Variants in LIMCH1 observed in about 807,000 individuals in gnomAD.
LIMCH1 encodes the protein LIM and calponin homology domains-containing protein 1.
Under a neutral mutation model 176.5 loss-of-function variants are expected in LIMCH1, and 113 were observed. The observed-to-expected ratio is 0.64, with a 90% CI of 0.55 to 0.75. The LOEUF is 0.75. Ranked by LOEUF, LIMCH1 falls within the 30% of genes least tolerant of loss-of-function variation. The pLI, the probability that LIMCH1 is intolerant of heterozygous loss-of-function variation, is 0.00. For missense variants in LIMCH1, 1,674 were observed against 1,814.9 expected, an observed-to-expected ratio of 0.92 and a Z score of 1.41; for synonymous variants, 619 against 645.9, an observed-to-expected ratio of 0.96 and a Z score of 0.63.
chr4:41,407,479 C>G (rs576360585), intron 1 of LIMCH1, among the ~76,000 whole-genome samples: 2 of 152,314 alleles, frequency 1.3e-5, no homozygotes, highest in African/African-American at 4.8e-5. Context: ...ATCCTCCCGC[C>G]TTGGCCTCCC....
intron 1 of LIMCH1, among the ~76,000 whole-genome samples, chr4:41,427,328 A>G (rs913668243): frequency 2.0e-5 from 3 of 152,168 alleles, no homozygotes; most frequent in African/African-American, 7.2e-5. Flanking sequence ...TAAGTACCCC[A>G]TAAAATTTAT....
chr4:41,478,113 T>A (rs2068025147), intron 1 of LIMCH1, among the ~76,000 whole-genome samples: 1 of 152,210 alleles, frequency 6.6e-6, no homozygotes, highest in African/African-American at 2.4e-5. Context: ...TAAGCTACAT[T>A]TTTCCAGTTC....
chr4:41,363,908 C>T (rs1018558171), intron 1 of LIMCH1, among the ~76,000 whole-genome samples: 10 of 152,190 alleles, frequency 6.6e-5, no homozygotes, highest in African/African-American at 2.4e-4. Context: ...TGGCTACCAG[C>T]AGGCAGGGGA....
At chr4:41,419,778 C>T (rs1238773005) in intron 1 of LIMCH1, among the ~76,000 whole-genome samples, 1 of 150,090 alleles carries the variant, frequency 6.7e-6, no homozygotes, top group Non-Finnish European at 1.5e-5. Context: ...TCCCTCCTCT[C>T]CTTCCTTTCT....
At chr4:41,360,644 G>C, upstream of LIMCH1, 2 of 299,986 alleles carry the variant, frequency 6.7e-6, no homozygotes, top group Non-Finnish European at 1.2e-5. The surrounding 1 kb of genome is among the most constrained non-coding windows in gnomAD (Gnocchi z 4.5). Context: ...GCGCGTTGGA[G>C]CCCGGGCGGC....
intron 2 of LIMCH1, among the ~76,000 whole-genome samples, chr4:41,514,351 G>A (rs2075335816): frequency 1.3e-5 from 2 of 152,140 alleles, no homozygotes; most frequent in African/African-American, 2.4e-5. Flanking sequence ...TAAATGGTTC[G>A]GTGAGGAGGT....
intron 1 of LIMCH1, among the ~76,000 whole-genome samples, chr4:41,445,020 C>CTTTTTT (rs11414585): frequency 7.8e-6 from 1 of 128,534 alleles, no homozygotes; most frequent in Non-Finnish European, 1.7e-5. Context: ...TTTTCCCATT[C>CTTTTTT]TTTTTTTTTT....
intron 1 of LIMCH1, among the ~76,000 whole-genome samples, chr4:41,430,679 A>G (rs1473102896): frequency 6.6e-6 from 1 of 152,240 alleles, no homozygotes; most frequent in Non-Finnish European, 1.5e-5. Flanking sequence ...CAGAACTTAA[A>G]TATGATGAAG....
intron 1 of LIMCH1, among the ~76,000 whole-genome samples, chr4:41,576,902 A>G (rs886323575): frequency 4.6e-5 from 7 of 152,196 alleles, no homozygotes; most frequent in Non-Finnish European, 1.0e-4. Flanking sequence ...CATAAGCAGA[A>G]TTGACTGTTG....
intron 1 of LIMCH1, among the ~76,000 whole-genome samples, chr4:41,390,006 C>A (rs1230331152): frequency 6.6e-6 from 1 of 152,118 alleles, no homozygotes; most frequent in African/African-American, 2.4e-5. Flanking sequence ...CTGCATTCAC[C>A]TTAAGGAATT....
intron 23 of LIMCH1, among the ~76,000 whole-genome samples, chr4:41,678,515 G>A (rs770260591): frequency 6.6e-6 from 1 of 152,156 alleles, no homozygotes; most frequent in Non-Finnish European, 1.5e-5. Context: ...CAGCTAAATG[G>A]TGAACAGCCA....
intron 6 of LIMCH1, 45 bp from the exon 7 acceptor site, chr4:41,620,379 A>C (rs1460081849): frequency 6.6e-7 from 1 of 1,515,546 alleles, no homozygotes; most frequent in Non-Finnish European, 8.8e-7. Context: ...TCTGCTCCCC[A>C]GCCCAGTCTG....
chr4:41,498,916 TTA>T (rs2072714441), intron 2 of LIMCH1, among the ~76,000 whole-genome samples: 1 of 152,166 alleles, frequency 6.6e-6, no homozygotes, highest in Non-Finnish European at 1.5e-5. Context: ...AGAATGTGTT[TTA>T]TGTTTTTAAA....
chr4:41,677,408 C>CA (rs893672792), intron 23 of LIMCH1, among the ~76,000 whole-genome samples: 22 of 150,986 alleles, frequency 1.5e-4, no homozygotes, highest in African/African-American at 4.9e-4. Flanking sequence ...AACTCCATCT[C>CA]AAAAAAAAGA....
chr4:41,446,702 A>G (rs1049334456), intron 1 of LIMCH1, among the ~76,000 whole-genome samples: 1 of 152,266 alleles, frequency 6.6e-6, no homozygotes. Flanking sequence ...AAAAGCCTGT[A>G]TATAAATCCA....
intron 23 of LIMCH1, among the ~76,000 whole-genome samples, chr4:41,678,691 G>A (rs140462997): frequency 6.6e-6 from 1 of 152,132 alleles, no homozygotes; most frequent in African/African-American, 2.4e-5. Context: ...TATGGGCCAA[G>A]GTGTTTGTAG....
intron 14 of LIMCH1, 81 bp downstream of exon 14, chr4:41,639,048 G>A: frequency 9.7e-7 from 1 of 1,034,322 alleles, no homozygotes; most frequent in Non-Finnish European, 1.4e-6. Context: ...TAATTGAAAT[G>A]CAACTGATGC....
chr4:41,431,045 G>T (rs2061566701), intron 1 of LIMCH1, among the ~76,000 whole-genome samples: 1 of 152,214 alleles, frequency 6.6e-6, no homozygotes, highest in African/African-American at 2.4e-5. Flanking sequence ...CTTCTAAACT[G>T]CAACTGAATG....
At chr4:41,559,417 A>AT (rs2081759920) in intron 1 of LIMCH1, among the ~76,000 whole-genome samples, 1 of 151,798 alleles carries the variant, frequency 6.6e-6, no homozygotes, top group Non-Finnish European at 1.5e-5. Flanking sequence ...TCTCTCTCAC[A>AT]TTTTCAACCC....
Sources: gnomAD v4.1 joint callset for allele counts (sites outside exome capture counted in the v4.1 genomes callset) on GRCh38, gnomAD v4.1.1 for gene constraint, Gnocchi (gnomAD v3.1) non-coding constraint, MANE v1.5 for transcripts, NCBI Gene and HGNC (gene_info 2026-07-23, HGNC 2026-07-21) for gene names.